URI1: variants seen among roughly 807,000 people sequenced by gnomAD.
URI1 encodes the protein URI1 prefoldin like chaperone.
URI1 carries 39 observed loss-of-function variants against 60.2 expected under a neutral mutation model. The ratio of observed to expected loss-of-function variants is 0.65; its 90% CI spans 0.50 to 0.85. The LOEUF (loss-of-function observed/expected upper bound fraction) is 0.85. Among genes scored for constraint, URI1 ranks in the 40% least tolerant of loss-of-function variants. The pLI, the probability that URI1 is intolerant of heterozygous loss-of-function variation, is 0.00. For synonymous variants in URI1, 251 were observed against 236.8 expected (o/e 1.06, Z -0.55); for missense variants, 691 against 665.9 (o/e 1.04, Z -0.42).
At chr19:29,953,872 A>G (rs192732235) in intron 1 of URI1, among the ~76,000 whole-genome samples, 7 of 152,026 alleles carry the variant, frequency 4.6e-5, no homozygotes, top group Non-Finnish European at 7.4e-5. Flanking sequence ...TTTTCTTAAT[A>G]GGAAAATTTT....
chr19:30,006,040 A>G (rs2055938444), intron 6 of URI1, among the ~76,000 whole-genome samples: 1 of 152,112 alleles, frequency 6.6e-6, no homozygotes, highest in African/African-American at 2.4e-5. Flanking sequence ...ACCATGGTGA[A>G]GTCCTAAGAT....
Position 29,980,790 on chromosome 19 carries a change from C to T in URI1, c.153-4433C>T, listed in dbSNP as rs113873637. ...TACAAAAATTAGCCGGGTGCGGTGG[C>T]GCGTGCCTATAATCTCAGCTACTCA... On this transcript the variant is annotated intron_variant, in intron 2 of 10. Transcript: ENST00000392271. 3.3e-3 allele frequency among the ~76,000 whole-genome samples: 498 copies of T among 151,212 alleles called. 2 individuals are homozygous for T. Among genetic ancestry groups the T allele is most frequent in the Admixed American group, 6.3e-3 (96 of 15,184 alleles).
At chr19:29,991,083 G>C (rs1469369042) in intron 4 of URI1, among the ~76,000 whole-genome samples, 1 of 152,066 alleles carries the variant, frequency 6.6e-6, no homozygotes, top group African/African-American at 2.4e-5. Flanking sequence ...TGTTTTGGCT[G>C]TTCTACCTCC....
In URI1 at chr19:29,993,032, CGT is replaced by C. The variant is rs758718012; in HGVS notation, c.367+6620_367+6621del. Among the ~76,000 whole-genome samples, 4 of 152,166 alleles carry C rather than the reference CGT, an allele frequency of 2.6e-5. No homozygotes were observed. The East Asian group carries it at 7.7e-4, about 29-fold the overall frequency. ...GATAATATGGGGAGAATTATTTTAC[CGT>C]GTGTCTTTTGTTCAGAATTGTATCT... is the stretch of plus-strand genomic sequence containing the variant. On this transcript the variant is annotated intron_variant, in intron 4 of 10. Transcript: ENST00000392271.
chr19:29,978,945 C>T (rs1295507161), intron 2 of URI1, among the ~76,000 whole-genome samples: 2 of 152,090 alleles, frequency 1.3e-5, no homozygotes, highest in African/African-American at 4.8e-5. Context: ...TGGGCCTCTG[C>T]TGAAACTATA....
chr19:29,950,789 A>T (rs1404815677), intron 1 of URI1, among the ~76,000 whole-genome samples: 1 of 152,204 alleles, frequency 6.6e-6, no homozygotes, highest in Admixed American at 6.5e-5. Flanking sequence ...CCAATCAGAG[A>T]TTACTATGGC....
chr19:29,983,248 C>T (rs1390123359), intron 2 of URI1: 2 of 152,102 alleles, frequency 1.3e-5, no homozygotes, highest in Admixed American at 6.6e-5. Flanking sequence ...CATTGCTTAC[C>T]TCATCTTGAT....
chr19:29,940,490 A>C (rs2145214973), upstream of URI1, among the ~76,000 whole-genome samples: 1 of 152,234 alleles, frequency 6.6e-6, no homozygotes, highest in Middle Eastern at 3.4e-3. Flanking sequence ...TTCTACTAAA[A>C]ATACAAAAAT....
chr19:29,946,399 A>G lies in URI1; in HGVS notation c.117+3735A>G, dbSNP rs78547418. On this transcript the variant is annotated intron_variant, in intron 1 of 10. Coordinates refer to ENST00000392271, the MANE Select transcript of URI1 (RefSeq NM_003796.3). Reference sequence around the variant, plus strand: ...TGAGATACCTGTATTTTATCTCTAGATACTATTAGCTTTTATTAGCAGAAC... The same window carrying G: ...TGAGATACCTGTATTTTATCTCTAGGTACTATTAGCTTTTATTAGCAGAAC... Among the ~76,000 whole-genome samples the G allele has an allele frequency of 3.4e-3, 514 of 152,294 alleles. 5 individuals are homozygous for G. The highest frequency in any genetic ancestry group is 0.012 in the African/African-American group (499 of 41,564).
At chr19:29,989,516 C>T (rs550244552) in intron 4 of URI1, among the ~76,000 whole-genome samples, 34 of 151,704 alleles carry the variant, frequency 2.2e-4, no homozygotes, top group East Asian at 1.6e-3. Context: ...CTCCGCCTCC[C>T]GGGTTCAAGT....
At chr19:29,963,732 A>G (rs938309764) in intron 1 of URI1, among the ~76,000 whole-genome samples, 2 of 152,108 alleles carry the variant, frequency 1.3e-5, no homozygotes, top group African/African-American at 2.4e-5. Flanking sequence ...CCTTTCTTCT[A>G]CTGAAGCAGA....
intron 1 of URI1, among the ~76,000 whole-genome samples, chr19:29,948,240 T>C (rs2055126751): frequency 6.6e-6 from 1 of 152,214 alleles, no homozygotes; most frequent in African/African-American, 2.4e-5. Context: ...ATTTTCTCCT[T>C]TCCAGTCCGT....
chr19:29,995,416 GTTGT>G (rs1368179737), intron 4 of URI1, among the ~76,000 whole-genome samples: 1 of 151,610 alleles, frequency 6.6e-6, no homozygotes, highest in Non-Finnish European at 1.5e-5. Flanking sequence ...TTTTATTTGG[GTTGT>G]TTGTTTTTCT....
intron 6 of URI1, among the ~76,000 whole-genome samples, chr19:30,007,138 T>C (rs972607924): frequency 2.6e-5 from 4 of 152,112 alleles, no homozygotes; most frequent in African/African-American, 9.7e-5. Flanking sequence ...TTCTTATGCA[T>C]TTTTGAAGCT....
chr19:29,997,822 T>C (rs974019364), intron 4 of URI1, among the ~76,000 whole-genome samples: 2 of 152,176 alleles, frequency 1.3e-5, no homozygotes, highest in East Asian at 3.8e-4. Context: ...TGGAGTGCAG[T>C]GGTGCAATAT....
At chr19:29,958,156 A>C (rs1485221654) in intron 1 of URI1, 3 of 152,180 alleles carry the variant, frequency 2.0e-5, no homozygotes, top group Non-Finnish European at 4.4e-5. Context: ...AGTTACATAC[A>C]GGCATGTTGT....
chr19:29,963,115 T>C (rs932377887), intron 1 of URI1, among the ~76,000 whole-genome samples: 3 of 152,172 alleles, frequency 2.0e-5, no homozygotes, highest in Admixed American at 2.0e-4. Flanking sequence ...TGTGCTTCTC[T>C]TGCTTGGGAT....
rs1328411829 is a variant in URI1, at chr19:30,015,651, A to G, written c.*582A>G. 7.7e-6 allele frequency: 11 copies of G among 1,434,302 alleles called. No individual in the cohort carries two copies. Among genetic ancestry groups the G allele is most frequent in the Non-Finnish European group, 1.0e-5 (11 of 1,079,342 alleles). The allele number at this position is 1,434,302 out of a possible 1,614,324, so 88.8% of individuals were successfully genotyped here. On this transcript the variant is annotated 3_prime_UTR_variant, in exon 11 of 11. Coordinates refer to ENST00000392271, the MANE Select transcript of URI1 (RefSeq NM_003796.3). The stretch of plus-strand genomic sequence containing the variant: ...ACTCTATGGGAAAATTTCTTTGGAA[A>G]GATATTTTGTAAAACTTTTTTTTCC...
intron 1 of URI1, 32 bp from the exon 2 acceptor site, chr19:29,971,161 T>A (rs373712996): frequency 4.3e-6 from 7 of 1,610,676 alleles, no homozygotes; most frequent in Non-Finnish European, 5.9e-6. Flanking sequence ...TAGCTCTGTT[T>A]TTTCATGAGT....
Sources: allele counts gnomAD v4.1 joint callset (sites outside exome capture counted in the v4.1 genomes callset), GRCh38; gene constraint gnomAD v4.1.1; transcripts MANE v1.5; gene names NCBI Gene and HGNC (gene_info 2026-07-23, HGNC 2026-07-21).